The following FHIT variants were observed in gnomAD, a reference collection of about 807,000 sequenced individuals.
FHIT encodes the protein bis(5'-adenosyl)-triphosphatase.
In FHIT, 19 loss-of-function variants were observed where a neutral mutation model predicts 17.9. The ratio of observed to expected loss-of-function variants is 1.06; its 90% CI spans 0.74 to 1.56. The LOEUF (loss-of-function observed/expected upper bound fraction) is 1.56. Ranked by LOEUF, FHIT falls within the 40% of genes most tolerant of loss-of-function variation. FHIT has a pLI of 0.00. For synonymous variants in FHIT, 81 were observed against 69.7 expected (o/e 1.16, Z -0.81); for missense variants, 248 against 189.2 (o/e 1.31, Z -1.82).
chr3:60,636,569 A>G (rs1483854852), intron 4 of FHIT, among the ~76,000 whole-genome samples: 1 of 152,158 alleles, frequency 6.6e-6, no homozygotes, highest in Admixed American at 6.5e-5. Flanking sequence ...CAAGATCAAG[A>G]GTGGCAAAAT....
chr3:61,084,728 G>T (rs2035252384), intron 2 of FHIT, among the ~76,000 whole-genome samples: 1 of 152,014 alleles, frequency 6.6e-6, no homozygotes, highest in Non-Finnish European at 1.5e-5. Context: ...GATGAGTTTT[G>T]AATACATTTA....
intron 5 of FHIT, among the ~76,000 whole-genome samples, chr3:60,091,057 A>C (rs941850483): frequency 2.0e-5 from 3 of 152,224 alleles, no homozygotes; most frequent in African/African-American, 7.2e-5. Flanking sequence ...CTGATGCAGA[A>C]GCAGACAGTC....
chr3:59,866,590 G>C (rs1702662410), intron 8 of FHIT, among the ~76,000 whole-genome samples: 1 of 152,192 alleles, frequency 6.6e-6, no homozygotes, highest in African/African-American at 2.4e-5. Flanking sequence ...ACCTGGAAGA[G>C]AGTTGCAGTG....
At chr3:61,087,228 T>G (rs1173218399) in intron 2 of FHIT, among the ~76,000 whole-genome samples, 2 of 152,074 alleles carry the variant, frequency 1.3e-5, no homozygotes, top group African/African-American at 4.8e-5. Context: ...CCAACAGAAA[T>G]AGAGTTTGAA....
At chr3:60,578,493 A>G (rs2037647838) in intron 4 of FHIT, among the ~76,000 whole-genome samples, 2 of 149,812 alleles carry the variant, frequency 1.3e-5, no homozygotes, top group Admixed American at 1.3e-4. Flanking sequence ...TATTCACATC[A>G]TCTGCCTTTG....
chr3:59,790,103 G>A (rs1434252223), intron 8 of FHIT, among the ~76,000 whole-genome samples: 2 of 152,156 alleles, frequency 1.3e-5, no homozygotes, highest in African/African-American at 2.4e-5. Flanking sequence ...GCCTGTAAGA[G>A]CAGATTCTAA....
chr3:60,550,050 A>T (rs2036495196), intron 4 of FHIT, among the ~76,000 whole-genome samples: 1 of 152,148 alleles, frequency 6.6e-6, no homozygotes, highest in Non-Finnish European at 1.5e-5. Flanking sequence ...CTTAAACACT[A>T]GGGGCTCAAT....
chr3:59,855,174 T>A (rs957660373), intron 8 of FHIT, among the ~76,000 whole-genome samples: 8 of 152,194 alleles, frequency 5.3e-5, no homozygotes, highest in African/African-American at 1.9e-4. Context: ...ATAGTAAGAA[T>A]TTGCCCAATG....
At chr3:60,601,836 C>T (rs1318857083) in intron 4 of FHIT, among the ~76,000 whole-genome samples, 1 of 151,938 alleles carries the variant, frequency 6.6e-6, no homozygotes, top group Non-Finnish European at 1.5e-5. Flanking sequence ...AAAACACAAA[C>T]AAGGTTTTGA....
chr3:60,073,594 C>G (rs769237528), intron 5 of FHIT, among the ~76,000 whole-genome samples: 1 of 152,070 alleles, frequency 6.6e-6, no homozygotes, highest in Non-Finnish European at 1.5e-5. Context: ...TTCTCTAACC[C>G]CTCATCGTTT....
At chr3:59,963,535 G>A (rs543609807) in intron 7 of FHIT, among the ~76,000 whole-genome samples, 1 of 152,170 alleles carries the variant, frequency 6.6e-6, no homozygotes, top group East Asian at 1.9e-4. Context: ...CTCATTCAGT[G>A]GATAGGGATG....
chr3:61,205,416 G>C (rs1328351857), intron 1 of FHIT, among the ~76,000 whole-genome samples: 3 of 152,134 alleles, frequency 2.0e-5, no homozygotes, highest in Non-Finnish European at 4.4e-5. Flanking sequence ...CACAATGGTT[G>C]AACTAGTTTA....
At chr3:61,029,170 T>C (rs926370293) in intron 3 of FHIT, among the ~76,000 whole-genome samples, 1 of 152,170 alleles carries the variant, frequency 6.6e-6, no homozygotes, top group Non-Finnish European at 1.5e-5. Context: ...TATAAGGGAA[T>C]GATAAATCAG....
Position 59,983,769 on chromosome 3 carries a change from G to C in FHIT, c.279+27602C>G, listed in dbSNP as rs1324782274. Among the ~76,000 whole-genome samples the C allele has an allele frequency of 3.9e-5, 6 of 152,194 alleles. No homozygotes were observed. The South Asian group carries it at 1.2e-3, about 32-fold the overall frequency. On this transcript the variant is annotated intron_variant, in intron 7 of 9. Coordinates refer to ENST00000492590, the MANE Select transcript of FHIT (RefSeq NM_002012.4). ...ACCTAGTAATCAGAGAAGAATGAGA[G>C]GATTGCCCCATTAGTACCAGAAAAT...
intron 5 of FHIT, among the ~76,000 whole-genome samples, chr3:60,447,250 A>T (rs1023830964): frequency 1.3e-5 from 2 of 152,126 alleles, no homozygotes; most frequent in East Asian, 3.9e-4. Flanking sequence ...TCAAAGAAAC[A>T]TCAGTTTGTC....
chr3:60,330,303 G>A lies in FHIT; in HGVS notation c.103+206557C>T, dbSNP rs111237435. ...CCCTTCATGGATCTCTCTCAAGTGGGTGGTGATGTCTCCCTAGGGCTGCTC... is the reference window on the plus strand; with the variant it reads ...CCCTTCATGGATCTCTCTCAAGTGGATGGTGATGTCTCCCTAGGGCTGCTC... On this transcript the variant is annotated intron_variant, in intron 5 of 9. Transcript: ENST00000492590. Among the ~76,000 whole-genome samples the A allele has an allele frequency of 1.1e-4, 16 of 152,268 alleles. No individual in the cohort carries two copies. In the East Asian group the frequency reaches 2.5e-3, roughly 24 times the overall value.
At chr3:60,340,105 T>C (rs1710441667) in intron 5 of FHIT, among the ~76,000 whole-genome samples, 1 of 152,170 alleles carries the variant, frequency 6.6e-6, no homozygotes, top group African/African-American at 2.4e-5. Flanking sequence ...CTGAACTCAG[T>C]TGTTCCACCA....
At chr3:61,098,405 T>C (rs2035710468) in intron 2 of FHIT, among the ~76,000 whole-genome samples, 1 of 152,210 alleles carries the variant, frequency 6.6e-6, no homozygotes, top group Non-Finnish European at 1.5e-5. Flanking sequence ...TTTGTTCTTT[T>C]AGCTTGGGAT....
chr3:60,120,649 G>A (rs1705205728), intron 5 of FHIT, among the ~76,000 whole-genome samples: 1 of 152,040 alleles, frequency 6.6e-6, no homozygotes. Flanking sequence ...TTTTTTAAAG[G>A]AAGTATTTGA....
Sources: gnomAD v4.1 joint callset for allele counts (sites outside exome capture counted in the v4.1 genomes callset) on GRCh38, gnomAD v4.1.1 for gene constraint, MANE v1.5 for transcripts, NCBI Gene and HGNC (gene_info 2026-07-23, HGNC 2026-07-21) for gene names.